The following LRP1B variants were observed in gnomAD, a reference collection of about 807,000 sequenced individuals.
The protein encoded by LRP1B is low-density lipoprotein receptor-related protein 1B.
In LRP1B, 217 loss-of-function variants were observed where a neutral mutation model predicts 556.6. The observed-to-expected ratio is 0.39, with a 90% CI of 0.35 to 0.44. The LOEUF (loss-of-function observed/expected upper bound fraction) is 0.44, where lower values mean the gene tolerates loss of function less well. Ranked by LOEUF, LRP1B falls within the 20% of genes least tolerant of loss-of-function variation. LRP1B has a pLI of 1.00. For synonymous variants in LRP1B, 2,047 were observed against 1,865.8 expected (o/e 1.10, Z -2.50); for missense variants, 5,053 against 5,620.8 (o/e 0.90, Z 3.23).
At chr2:141,218,099 GA>G (rs531379046) in intron 6 of LRP1B, among the ~76,000 whole-genome samples, 2 of 151,540 alleles carry the variant, frequency 1.3e-5, no homozygotes, top group African/African-American at 2.4e-5. Flanking sequence ...TGAGATTGAA[GA>G]AAAAAAAGGA....
At chr2:140,494,330 C>T (rs1229375288) in intron 56 of LRP1B, among the ~76,000 whole-genome samples, 1 of 152,048 alleles carries the variant, frequency 6.6e-6, no homozygotes, top group Non-Finnish European at 1.5e-5. Context: ...TGTCCCAGGT[C>T]ACTAAATGCA....
chr2:141,538,688 G>A (rs186115709), intron 2 of LRP1B, among the ~76,000 whole-genome samples: 41 of 150,758 alleles, frequency 2.7e-4, no homozygotes, highest in Admixed American at 2.6e-3. Context: ...CCAGGCTGGA[G>A]TGCAGCAGCA....
intron 83 of LRP1B, among the ~76,000 whole-genome samples, chr2:140,311,243 C>T (rs1480006440): frequency 6.6e-6 from 1 of 151,784 alleles, no homozygotes; most frequent in Non-Finnish European, 1.5e-5. Context: ...TTTATAACAG[C>T]AATATTCACA....
At chr2:140,968,326 TTATAG>T (rs1398544013) in intron 18 of LRP1B, among the ~76,000 whole-genome samples, 2 of 152,068 alleles carry the variant, frequency 1.3e-5, no homozygotes, top group Non-Finnish European at 2.9e-5. Flanking sequence ...ACAGAGGTGT[TTATAG>T]TATTCTCTGA....
chr2:141,763,287 A>G (rs555398091), intron 2 of LRP1B, among the ~76,000 whole-genome samples: 1 of 152,298 alleles, frequency 6.6e-6, no homozygotes, highest in South Asian at 2.1e-4. Flanking sequence ...GTTACAATAC[A>G]ATATTTAACT....
At chr2:140,945,184 C>G (rs564720034) in intron 20 of LRP1B, among the ~76,000 whole-genome samples, 1 of 151,890 alleles carries the variant, frequency 6.6e-6, no homozygotes, top group Admixed American at 6.6e-5. Context: ...AGGAATACAT[C>G]TAACCAAGAA....
At chr2:140,799,309 G>A (rs1690423593) in intron 32 of LRP1B, among the ~76,000 whole-genome samples, 1 of 152,016 alleles carries the variant, frequency 6.6e-6, no homozygotes, top group South Asian at 2.1e-4. Context: ...GATGGGATTA[G>A]TAGAGACACC....
chr2:140,466,124 C>CT (rs74381027), intron 60 of LRP1B, among the ~76,000 whole-genome samples: 22,461 of 125,594 alleles, frequency 0.18, 2,070 homozygotes, highest in Non-Finnish European at 0.24. Flanking sequence ...TTTCTTTTTT[C>CT]TTTTTTTTTT....
intron 3 of LRP1B, among the ~76,000 whole-genome samples, chr2:141,282,057 A>T (rs1178147134): frequency 6.6e-6 from 1 of 152,068 alleles, no homozygotes; most frequent in East Asian, 1.9e-4. Context: ...ATTTTTCTAA[A>T]GTATGTCATA....
At chr2:142,126,659 T>G (rs1368550744) in intron 1 of LRP1B, among the ~76,000 whole-genome samples, 1 of 151,888 alleles carries the variant, frequency 6.6e-6, no homozygotes, top group African/African-American at 2.4e-5. Flanking sequence ...TCAGTATGTT[T>G]GATTGGTACT....
chr2:141,776,432 C>T (rs141557420), intron 2 of LRP1B, among the ~76,000 whole-genome samples: 36 of 152,276 alleles, frequency 2.4e-4, no homozygotes, highest in East Asian at 1.9e-4. Flanking sequence ...CTTCACATCA[C>T]GCAGAGCTTA....
chr2:141,880,583 C>A (rs1052217261), intron 1 of LRP1B, among the ~76,000 whole-genome samples: 3 of 151,398 alleles, frequency 2.0e-5, no homozygotes, highest in African/African-American at 7.3e-5. Context: ...TTTTTTGGTG[C>A]CTATTCAATA....
intron 3 of LRP1B, among the ~76,000 whole-genome samples, chr2:141,399,243 G>A (rs540555070): frequency 3.3e-5 from 5 of 152,050 alleles, no homozygotes; most frequent in South Asian, 2.1e-4. Flanking sequence ...GAGACAGAGC[G>A]GGACTCTGTC....
At chr2:141,548,848 C>T (rs919382198) in intron 2 of LRP1B, among the ~76,000 whole-genome samples, 1 of 152,070 alleles carries the variant, frequency 6.6e-6, no homozygotes, top group African/African-American at 2.4e-5. Context: ...TTTCTCATTG[C>T]ATGTCCTAAG....
intron 2 of LRP1B, among the ~76,000 whole-genome samples, chr2:141,691,446 G>A (rs1691525213): frequency 1.6e-5 from 1 of 60,772 alleles, no homozygotes; most frequent in Admixed American, 1.8e-4. Context: ...AAAAAAAAAA[G>A]TTGGCCAGGT....
chr2:141,295,747 AC>A (rs1468920714), intron 3 of LRP1B, among the ~76,000 whole-genome samples: 326 of 4,584 alleles, frequency 0.071, 1 homozygote, highest in African/African-American at 0.15. Flanking sequence ...GAGGAGAGAA[AC>A]ACACACACAC....
intron 3 of LRP1B, among the ~76,000 whole-genome samples, chr2:141,391,551 A>C (rs1269095641): frequency 6.6e-6 from 1 of 152,142 alleles, no homozygotes; most frequent in Non-Finnish European, 1.5e-5. Context: ...AGCCTCATAC[A>C]CCATGGTAAT....
At chr2:142,088,173 C>A (rs886573128) in intron 1 of LRP1B, among the ~76,000 whole-genome samples, 12 of 151,998 alleles carry the variant, frequency 7.9e-5, no homozygotes, top group African/African-American at 2.2e-4. Context: ...CACTCATGTT[C>A]ATTTTTAAAT....
At chr2:140,503,196 G>C (rs964873702) in intron 53 of LRP1B, 93 bp from the exon 54 acceptor site, 1 of 1,020,672 alleles carries the variant, frequency 9.8e-7, no homozygotes, top group African/African-American at 1.6e-5. Context: ...GATTAATGTG[G>C]ATTACTCATG....
Sources: gnomAD v4.1 joint callset for allele counts (sites outside exome capture counted in the v4.1 genomes callset) on GRCh38, gnomAD v4.1.1 for gene constraint, MANE v1.5 for transcripts, NCBI Gene and HGNC (gene_info 2026-07-23, HGNC 2026-07-21) for gene names.